The following PTPRD variants were observed in gnomAD, a reference collection of about 807,000 sequenced individuals.
PTPRD encodes the protein protein tyrosine phosphatase receptor type D, also known as receptor-type tyrosine-protein phosphatase delta.
A neutral mutation model predicts 214.5 loss-of-function variants in PTPRD; 34 were observed. The ratio of observed to expected loss-of-function variants is 0.16; its 90% confidence interval spans 0.12 to 0.21. The LOEUF (loss-of-function observed/expected upper bound fraction) is 0.21. Among genes scored for constraint, PTPRD ranks in the 10% least tolerant of loss-of-function variants. The pLI is 1.00. For synonymous variants in PTPRD, 1,128 were observed against 845.7 expected, an observed-to-expected ratio of 1.33 and a Z score of -5.79; for missense variants, 2,545 against 2,398.7, an observed-to-expected ratio of 1.06 and a Z score of -1.27.
chr9:10,531,923 C>A (rs532853264), intron 2 of PTPRD, among the ~76,000 whole-genome samples: 35 of 152,282 alleles, frequency 2.3e-4, no homozygotes, highest in African/African-American at 7.0e-4. Flanking sequence ...CTCCAACAGA[C>A]CCTGCCTTCA....
At chr9:9,841,957 T>G (rs2058431320) in intron 5 of PTPRD, among the ~76,000 whole-genome samples, 1 of 152,116 alleles carries the variant, frequency 6.6e-6, no homozygotes, top group Non-Finnish European at 1.5e-5. Context: ...AAAAACATTT[T>G]TTTTTATCTT....
chr9:10,184,495 G>T (rs190695207), intron 3 of PTPRD, among the ~76,000 whole-genome samples: 2 of 152,154 alleles, frequency 1.3e-5, no homozygotes, highest in African/African-American at 4.8e-5. Flanking sequence ...TCTGAGACAA[G>T]AATTAGGGTA....
At chr9:10,249,973 T>G (rs897934131) in intron 3 of PTPRD, among the ~76,000 whole-genome samples, 6 of 152,224 alleles carry the variant, frequency 3.9e-5, no homozygotes, top group Non-Finnish European at 1.5e-5. Flanking sequence ...ATAAAAATGT[T>G]GATTTTGATG....
At chr9:10,151,861 T>C (rs1291326330) in intron 3 of PTPRD, among the ~76,000 whole-genome samples, 1 of 152,210 alleles carries the variant, frequency 6.6e-6, no homozygotes, top group African/African-American at 2.4e-5. Flanking sequence ...TTTAGCATAA[T>C]GCATTTGAAA....
chr9:9,520,037 T>C (rs866082958), intron 8 of PTPRD, among the ~76,000 whole-genome samples: 2 of 152,046 alleles, frequency 1.3e-5, no homozygotes, highest in Non-Finnish European at 2.9e-5. Flanking sequence ...ATAAAGTTGG[T>C]ACTTCAAAAC....
chr9:8,968,678 G>C (rs1589060753), intron 11 of PTPRD, among the ~76,000 whole-genome samples: 1 of 152,076 alleles, frequency 6.6e-6, no homozygotes, highest in African/African-American at 2.4e-5. Context: ...CACTGGATTA[G>C]TAAGTGAAGG....
chr9:8,671,888 A>G (rs1170601356), intron 12 of PTPRD, among the ~76,000 whole-genome samples: 1 of 152,168 alleles, frequency 6.6e-6, no homozygotes, highest in Admixed American at 6.5e-5. Flanking sequence ...CTCTTGGACA[A>G]TTTCAAAGAT....
chr9:10,273,159 C>G (rs765197308), intron 3 of PTPRD, among the ~76,000 whole-genome samples: 6 of 152,130 alleles, frequency 3.9e-5, no homozygotes, highest in Non-Finnish European at 8.8e-5. Context: ...CATAATCCCA[C>G]AAGGGAATAT....
intron 10 of PTPRD, among the ~76,000 whole-genome samples, chr9:9,026,057 A>G (rs909570700): frequency 6.6e-6 from 1 of 151,934 alleles, no homozygotes; most frequent in African/African-American, 2.4e-5. Flanking sequence ...AGTGCCATGA[A>G]AAAAATAAAA....
intron 33 of PTPRD, among the ~76,000 whole-genome samples, chr9:8,455,675 T>G (rs2096167290): frequency 6.6e-6 from 1 of 152,216 alleles, no homozygotes; most frequent in Non-Finnish European, 1.5e-5. Flanking sequence ...GAAAATGATA[T>G]CAAACACATT....
Position 8,879,953 on chromosome 9 carries a change from C to A in PTPRD, c.-104+138744G>T, listed in dbSNP as rs148791626. Reference sequence around the variant, plus strand: ...GAGCAACCTCTTGGCAGAAAGTGAGCCTTTTTCGTCTCCCTCCCTGACTCC... The same window carrying A: ...GAGCAACCTCTTGGCAGAAAGTGAGACTTTTTCGTCTCCCTCCCTGACTCC... On this transcript the variant is annotated intron_variant, in intron 11 of 45. Transcript: ENST00000381196. Among the ~76,000 whole-genome samples the A allele has an allele frequency of 4.5e-3, 683 of 152,284 alleles. 3 individuals are homozygous for A. The highest frequency in any genetic ancestry group is 0.02 in the Middle Eastern group (6 of 294).
At chr9:9,909,321 T>TC (rs1029480486) in intron 5 of PTPRD, among the ~76,000 whole-genome samples, 1 of 151,688 alleles carries the variant, frequency 6.6e-6, no homozygotes, top group Non-Finnish European at 1.5e-5. Flanking sequence ...CTGAAAGTTT[T>TC]TTTTTTTTTT....
chr9:10,378,396 G>A (rs1018454674), intron 2 of PTPRD, among the ~76,000 whole-genome samples: 1 of 151,956 alleles, frequency 6.6e-6, no homozygotes, highest in Admixed American at 6.6e-5. Context: ...CCAGATCAAT[G>A]TTCTGGAAGT....
intron 9 of PTPRD, among the ~76,000 whole-genome samples, chr9:9,300,115 G>A (rs1200650970): frequency 6.7e-6 from 1 of 150,302 alleles, no homozygotes; most frequent in Non-Finnish European, 1.5e-5. Flanking sequence ...TTGGTCTCTT[G>A]CCTTCTTCCA....
At chr9:9,837,451 C>T (rs576765146) in intron 5 of PTPRD, among the ~76,000 whole-genome samples, 1 of 152,236 alleles carries the variant, frequency 6.6e-6, no homozygotes, top group South Asian at 2.1e-4. Context: ...TGGAAGCCTT[C>T]CCCATTGTAT....
At chr9:9,461,418 A>G (rs939526742) in intron 8 of PTPRD, among the ~76,000 whole-genome samples, 10 of 152,216 alleles carry the variant, frequency 6.6e-5, no homozygotes, top group African/African-American at 2.4e-4. Context: ...AATGTCCCCA[A>G]ATCAGCCTCT....
At chr9:9,229,525 T>C (rs1196944690) in intron 9 of PTPRD, among the ~76,000 whole-genome samples, 1 of 152,156 alleles carries the variant, frequency 6.6e-6, no homozygotes, top group Non-Finnish European at 1.5e-5. Flanking sequence ...TTAGATCATG[T>C]GTCCTCTCTA....
chr9:9,141,549 A>G (rs1184051747), intron 10 of PTPRD, among the ~76,000 whole-genome samples: 2 of 151,894 alleles, frequency 1.3e-5, no homozygotes, highest in Non-Finnish European at 2.9e-5. Flanking sequence ...GATAAATTCA[A>G]TACATTATAC....
intron 3 of PTPRD, among the ~76,000 whole-genome samples, chr9:10,316,515 G>C (rs1319592668): frequency 6.6e-6 from 1 of 151,766 alleles, no homozygotes; most frequent in Non-Finnish European, 1.5e-5. Flanking sequence ...AAAAAGAAAA[G>C]CCAAAGGAAT....
Sources: allele counts gnomAD v4.1 joint callset (sites outside exome capture counted in the v4.1 genomes callset), GRCh38; gene constraint gnomAD v4.1.1; transcripts MANE v1.5; gene names NCBI Gene and HGNC (gene_info 2026-07-23, HGNC 2026-07-21).